Variants in PHLDB2 observed in about 807,000 individuals in gnomAD.
PHLDB2 encodes pleckstrin homology like domain family B member 2, also known as pleckstrin homology-like domain family B member 2.
Under a neutral mutation model 123.6 loss-of-function variants are expected in PHLDB2, and 71 were observed. The ratio of observed to expected loss-of-function variants is 0.57; its 90% CI spans 0.47 to 0.70. PHLDB2 has a LOEUF of 0.70. Ranked by LOEUF, PHLDB2 falls within the 30% of genes least tolerant of loss-of-function variation. The probability of loss-of-function intolerance (pLI) is 0.00; values close to 1 mark genes in which losing one functional copy is unlikely to be tolerated. For synonymous variants in PHLDB2, 547 were observed against 541.6 expected, an observed-to-expected ratio of 1.01 and a Z score of -0.14; for missense variants, 1,446 against 1,519.5, an observed-to-expected ratio of 0.95 and a Z score of 0.80.
intron 1 of PHLDB2, 108 bp downstream of exon 1, chr3:111,859,684 CG>C: frequency 1.0e-6 from 1 of 985,208 alleles, no homozygotes; most frequent in East Asian, 1.2e-4. Context: ...TGGTTGCCGC[CG>C]GTTGCGCTGC....
rs1365842617 is a variant in PHLDB2, at chr3:111,973,915, G to A, written c.3621+98G>A. On this transcript the variant is annotated intron_variant, in intron 17 of 17. Transcript: ENST00000431670. ...AGAAGTTTGAAATTGATGTTCTGAT[G>A]TAACAGATAGATATGATCAGAATGG... 7.1e-6 allele frequency: 5 copies of A among 706,258 alleles called. No individual in the cohort carries two copies. The Admixed American group carries it at 8.9e-5, about 13-fold the overall frequency. The allele number at this position is 706,258 out of a possible 1,614,324, so 43.7% of individuals were successfully genotyped here. A position where few individuals can be genotyped will look rare whatever the true frequency, so the allele number is the denominator to read the frequency against.
intron 1 of PHLDB2, among the ~76,000 whole-genome samples, chr3:111,752,440 G>C (rs1253873552): frequency 6.6e-6 from 1 of 151,822 alleles, no homozygotes; most frequent in Admixed American, 6.6e-5. Flanking sequence ...TTTATTACTT[G>C]ACATTTTAGT....
At position 111,933,764 on chromosome 3, in the gene PHLDB2, A is replaced by G. The variant is rs550112518; in HGVS notation, c.2130+1367A>G. 6.5e-4 allele frequency among the ~76,000 whole-genome samples: 99 copies of G among 152,322 alleles called. 1 individual carries two copies. The highest frequency in any genetic ancestry group is 2.1e-3 in the African/African-American group (89 of 41,582). Reference sequence around the variant, plus strand: ...TGCTTGTGTTTATGCTAGTTAACAAAAGAGATGGGAAAACTGATTTTTTTT... The same window carrying G: ...TGCTTGTGTTTATGCTAGTTAACAAGAGAGATGGGAAAACTGATTTTTTTT... On this transcript the variant is annotated intron_variant, in intron 6 of 17. Coordinates refer to ENST00000431670, the MANE Select transcript of PHLDB2 (RefSeq NM_001134438.2).
At chr3:111,811,030 C>T (rs1301983480) in intron 1 of PHLDB2, among the ~76,000 whole-genome samples, 1 of 152,160 alleles carries the variant, frequency 6.6e-6, no homozygotes, top group South Asian at 2.1e-4. Context: ...CTCAGGGAAA[C>T]ATCTTTGCTA....
chr3:111,752,472 A>T (rs914985220), intron 1 of PHLDB2, among the ~76,000 whole-genome samples: 24 of 152,004 alleles, frequency 1.6e-4, no homozygotes, highest in African/African-American at 5.3e-4. Context: ...AAATGTCAGA[A>T]TCAGAGTTTA....
intron 6 of PHLDB2, among the ~76,000 whole-genome samples, chr3:111,936,663 A>T (rs905722921): frequency 2.0e-5 from 3 of 152,218 alleles, no homozygotes; most frequent in Admixed American, 6.5e-5. Context: ...TTTGACTTTC[A>T]TGCAGGGTTA....
intron 1 of PHLDB2, chr3:111,732,778 A>T: frequency 7.8e-7 from 1 of 1,287,028 alleles, no homozygotes; most frequent in Non-Finnish European, 1.1e-6. Context: ...TCGTCACCAG[A>T]GTGTTTCTGA....
intron 1 of PHLDB2, among the ~76,000 whole-genome samples, chr3:111,824,567 C>T (rs556527084): frequency 6.6e-6 from 1 of 152,142 alleles, no homozygotes; most frequent in Non-Finnish European, 1.5e-5. Context: ...TTTCAGGAAG[C>T]AAGTCTTTCC....
chr3:111,891,758 G>A (rs1302435287), intron 2 of PHLDB2, among the ~76,000 whole-genome samples: 1 of 152,062 alleles, frequency 6.6e-6, no homozygotes, highest in African/African-American at 2.4e-5. Flanking sequence ...GGGTATTCTT[G>A]TATTCATCCT....
chr3:111,919,837 T>C (rs1231331196), intron 4 of PHLDB2, among the ~76,000 whole-genome samples: 1 of 152,200 alleles, frequency 6.6e-6, no homozygotes, highest in Non-Finnish European at 1.5e-5. Flanking sequence ...ACTGCTCACC[T>C]GTTGTCTTGC....
In PHLDB2 at chr3:111,885,293, C is replaced by A. The variant is rs774881867; in HGVS notation, c.1216C>A (p.Gln406Lys). ...ESLRQASGTP[Q>K]PALRERKSSI... is the part of the protein sequence containing the mutation. The stretch of plus-strand genomic sequence containing the variant: ...CCTCAGACAGGCCTCAGGAACCCCC[C>A]AGCCTGCCCTTCGGGAACGGAAAAG... The change falls in exon 2 of 18, where the codon CAG (glutamine) becomes AAG (lysine). Residue 406 changes from glutamine (Q) to lysine (K), a missense_variant. By Grantham distance (53) the Gln-to-Lys change is moderately conservative. Transcript: ENST00000431670. The A allele has an allele frequency of 6.2e-7, 1 of 1,614,180 alleles. No individual in the cohort carries two copies. Among genetic ancestry groups the A allele is most frequent in the East Asian group, 2.2e-5 (1 of 44,874 alleles).
intron 13 of PHLDB2, among the ~76,000 whole-genome samples, chr3:111,963,554 C>A (rs938899345): frequency 6.6e-6 from 1 of 152,114 alleles, no homozygotes; most frequent in Non-Finnish European, 1.5e-5. Context: ...ATTGAAAGAG[C>A]AAAAACATTG....
At chr3:111,807,450 C>T (rs992008404) in intron 1 of PHLDB2, among the ~76,000 whole-genome samples, 3 of 152,134 alleles carry the variant, frequency 2.0e-5, no homozygotes, top group African/African-American at 7.2e-5. Context: ...GGCATAGTGG[C>T]ACACACCTGT....
intron 6 of PHLDB2, among the ~76,000 whole-genome samples, chr3:111,934,438 A>ATATAT (rs1221526739): frequency 2.0e-5 from 3 of 152,210 alleles, no homozygotes; most frequent in African/African-American, 7.2e-5. Context: ...AGATTTAATA[A>ATATAT]AGTTTGTTTT....
intron 1 of PHLDB2, among the ~76,000 whole-genome samples, chr3:111,874,722 C>T (rs111821448): frequency 0.016 from 2,365 of 152,236 alleles, 32 homozygotes; most frequent in Non-Finnish European, 0.021. Context: ...GGAAGAGCAA[C>T]CTCACTATGT....
chr3:111,834,570 C>T (rs1306236906), intron 1 of PHLDB2, among the ~76,000 whole-genome samples: 4 of 151,546 alleles, frequency 2.6e-5, no homozygotes, highest in Non-Finnish European at 5.9e-5. Flanking sequence ...ACTGTGTTAT[C>T]ACAAACAAGG....
intron 2 of PHLDB2, among the ~76,000 whole-genome samples, chr3:111,891,232 G>A (rs1414967559): frequency 8.5e-5 from 13 of 152,190 alleles, no homozygotes; most frequent in African/African-American, 1.7e-4. Flanking sequence ...GACCAGTAGC[G>A]TTTGTGGCCT....
chr3:111,866,930 G>GGTGTGT (rs3082321), intron 1 of PHLDB2, among the ~76,000 whole-genome samples: 9,621 of 125,790 alleles, frequency 0.076, 422 homozygotes, highest in East Asian at 0.11. Context: ...GTTTCTAAGG[G>GGTGTGT]GTGTGTGTGT....
In PHLDB2 at chr3:111,913,575, G is replaced by T. The variant is rs200460122; in HGVS notation, c.1592G>T (p.Ser531Ile). The T allele has an allele frequency of 1.2e-6, 2 of 1,614,130 alleles. No homozygotes were observed. Among genetic ancestry groups the T allele is most frequent in the South Asian group, 2.2e-5 (2 of 91,088 alleles). ...GGGAGTCTCAGTCAGAGCAGTGCCA[G>T]CTTCTTTACCCCCAGGAGCACCAGG... is the stretch of plus-strand genomic sequence containing the variant. Reference protein sequence around the residue: ...SCGSLSQSSASFFTPRSTRND... With the variant: ...SCGSLSQSSAIFFTPRSTRND... Residue 531 changes from serine to isoleucine, a missense_variant, in exon 3 of 18, where the codon AGC becomes ATC. Ser to Ile is a moderately radical substitution (Grantham distance 142). This residue lies in a region of PHLDB2 where 832 missense variants were observed against 831.9 expected (regional missense o/e 1.00). Transcript: ENST00000431670.
Sources: allele counts gnomAD v4.1 joint callset (sites outside exome capture counted in the v4.1 genomes callset), GRCh38; gene constraint gnomAD v4.1.1; regional missense constraint gnomAD v4.1.1; transcripts MANE v1.5; gene names NCBI Gene and HGNC (gene_info 2026-07-23, HGNC 2026-07-21).